Variants in EVI5 observed in about 807,000 individuals in gnomAD.
EVI5 encodes the protein ecotropic viral integration site 5 protein homolog.
A neutral mutation model predicts 112.0 loss-of-function variants in EVI5; 73 were observed. The ratio of observed to expected loss-of-function variants is 0.65; its 90% CI spans 0.54 to 0.79. EVI5 has a LOEUF of 0.79. EVI5 is among the 30% of genes least tolerant of loss of function. The pLI, the probability that EVI5 is intolerant of heterozygous loss-of-function variation, is 0.00. For missense variants in EVI5, 900 were observed against 968.8 expected (o/e 0.93, Z 0.94); for synonymous variants, 305 against 319.9 (o/e 0.95, Z 0.50).
At chr1:92,647,382 G>T (rs1046860362) in intron 13 of EVI5, 1 of 271,036 alleles carries the variant, frequency 3.7e-6, no homozygotes, top group Non-Finnish European at 7.5e-6. Context: ...AGACATGAAG[G>T]TCCTTCTTCT....
intron 10 of EVI5, among the ~76,000 whole-genome samples, chr1:92,671,080 C>T (rs1665804284): frequency 6.6e-6 from 1 of 152,074 alleles, no homozygotes; most frequent in Non-Finnish European, 1.5e-5. Flanking sequence ...TAATTACCCT[C>T]TCTAGCTACT....
chr1:92,547,885 C>A (rs1466976570), intron 19 of EVI5, among the ~76,000 whole-genome samples: 1 of 152,146 alleles, frequency 6.6e-6, no homozygotes, highest in Non-Finnish European at 1.5e-5. Flanking sequence ...AGTCCAGGAC[C>A]AGATGGATTC....
chr1:92,605,222 G>C, intron 18 of EVI5, 85 bp downstream of exon 18: 1 of 895,266 alleles, frequency 1.1e-6, no homozygotes, highest in Admixed American at 2.3e-5. Flanking sequence ...TCACAGTCAC[G>C]AGGATAAAGA....
intron 19 of EVI5, among the ~76,000 whole-genome samples, chr1:92,554,721 C>A (rs1667433922): frequency 6.6e-6 from 1 of 152,190 alleles, no homozygotes; most frequent in South Asian, 2.1e-4. Flanking sequence ...GTAATCCCAG[C>A]ACTTTCAGAG....
intron 18 of EVI5, among the ~76,000 whole-genome samples, chr1:92,588,520 T>C (rs558157625): frequency 3.2e-4 from 48 of 152,318 alleles, no homozygotes; most frequent in Middle Eastern, 6.8e-3. Flanking sequence ...ATTGTGAAAA[T>C]AGCAACAGTC....
At chr1:92,616,505 A>G (rs560419908) in intron 16 of EVI5, among the ~76,000 whole-genome samples, 1 of 146,314 alleles carries the variant, frequency 6.8e-6, no homozygotes, top group Non-Finnish European at 1.5e-5. Context: ...GGCATTGGCT[A>G]ATTAATCACG....
chr1:92,630,078 T>C (rs1013871122), intron 14 of EVI5, among the ~76,000 whole-genome samples: 10 of 152,216 alleles, frequency 6.6e-5, no homozygotes, highest in East Asian at 1.9e-4. Flanking sequence ...TGTTGGACAT[T>C]TGGATTGGTT....
At chr1:92,679,717 A>T (rs913823828) in intron 9 of EVI5, among the ~76,000 whole-genome samples, 1 of 152,164 alleles carries the variant, frequency 6.6e-6, no homozygotes, top group African/African-American at 2.4e-5. Flanking sequence ...GAGAACCTTG[A>T]CAGTTTTGAG....
chr1:92,511,468 C>T lies in EVI5; in HGVS notation c.*2188G>A, dbSNP rs901783720. The T allele has an allele frequency of 1.3e-5, 2 of 152,122 alleles. No individual in the cohort carries two copies. The highest frequency in any genetic ancestry group is 4.8e-5 in the African/African-American group (2 of 41,400). The allele number at this position is 152,122 out of a possible 1,614,324, so 9.4% of individuals were successfully genotyped here. A position where few individuals can be genotyped will look rare whatever the true frequency, so the allele number is the denominator to read the frequency against. ...TCAAAAAACAAAAATAAAAACAAAACAAAACAGAGAATTGAGAAATTCTTC... is the reference window on the plus strand; with the variant it reads ...TCAAAAAACAAAAATAAAAACAAAATAAAACAGAGAATTGAGAAATTCTTC... On this transcript the variant is annotated 3_prime_UTR_variant, in exon 20 of 20. Coordinates refer to ENST00000684568, the MANE Select transcript of EVI5 (RefSeq NM_001350197.2).
intron 2 of EVI5, among the ~76,000 whole-genome samples, chr1:92,725,575 T>C (rs1675438083): frequency 6.6e-6 from 1 of 151,710 alleles, no homozygotes; most frequent in Non-Finnish European, 1.5e-5. Flanking sequence ...ATACAAAAAT[T>C]AGCAGGGCAT....
intron 1 of EVI5, among the ~76,000 whole-genome samples, chr1:92,763,847 A>G (rs945348642): frequency 3.3e-5 from 5 of 152,146 alleles, no homozygotes; most frequent in African/African-American, 1.2e-4. Context: ...TTCATAAACT[A>G]TAAGCAACAG....
At chr1:92,701,568 T>C (rs139492850) in intron 5 of EVI5, among the ~76,000 whole-genome samples, 11 of 152,270 alleles carry the variant, frequency 7.2e-5, no homozygotes, top group African/African-American at 2.6e-4. Context: ...GATAATACTA[T>C]ATGCCATTTC....
At chr1:92,614,466 G>C (rs1157398320) in intron 16 of EVI5, among the ~76,000 whole-genome samples, 1 of 152,168 alleles carries the variant, frequency 6.6e-6, no homozygotes, top group African/African-American at 2.4e-5. Context: ...GTGTCTGTGA[G>C]GGTGTTGCCA....
intron 9 of EVI5, among the ~76,000 whole-genome samples, chr1:92,683,868 A>C (rs1285082865): frequency 6.6e-6 from 1 of 152,234 alleles, no homozygotes; most frequent in African/African-American, 2.4e-5. Context: ...AGTGAAAAGA[A>C]ATGAACAAAG....
chr1:92,520,955 C>T (rs955331891), intron 19 of EVI5, among the ~76,000 whole-genome samples: 12 of 101,162 alleles, frequency 1.2e-4, no homozygotes, highest in Non-Finnish European at 2.5e-4. Flanking sequence ...TATGAGATTG[C>T]TGCTTCTTCT....
At chr1:92,783,483 T>TAAAAAAAAAAAAA (rs774619273) in intron 1 of EVI5, among the ~76,000 whole-genome samples, 2 of 24,254 alleles carry the variant, frequency 8.2e-5, no homozygotes, top group African/African-American at 1.6e-4. Flanking sequence ...GACTCAGCCT[T>TAAAAAAAAAAAAA]AAAAAAAAAA....
At chr1:92,757,572 A>C (rs536488638) in intron 1 of EVI5, among the ~76,000 whole-genome samples, 3 of 152,090 alleles carry the variant, frequency 2.0e-5, no homozygotes, top group Admixed American at 6.6e-5. Flanking sequence ...ATGCACTAAA[A>C]TTAAGGCTGG....
chr1:92,552,019 T>C (rs1301073793), intron 19 of EVI5, among the ~76,000 whole-genome samples: 1 of 151,652 alleles, frequency 6.6e-6, no homozygotes, highest in Non-Finnish European at 1.5e-5. Context: ...TTTGGCTACA[T>C]TTGAAATCTA....
Position 92,695,419 on chromosome 1 carries a change from G to T in EVI5, c.800C>A (p.Ser267Tyr). ...HLPELFVHFQ[S>Y]QSFHTSMYAS... ...ATACATTGAGGTATGAAAACTCTGA[G>T]ATTGAAAATGTACAAAGAGCTCTGG... Residue 267 changes from serine (S) to tyrosine (Y), a missense_variant, in exon 7 of 20, where the codon TCT becomes TAT. Transcript: ENST00000684568. 6.2e-7 allele frequency: 1 copy of T among 1,607,704 alleles called. No homozygotes were observed. Among genetic ancestry groups the T allele is most frequent in the Non-Finnish European group, 8.5e-7 (1 of 1,174,848 alleles).
Sources: gnomAD v4.1 joint callset for allele counts (sites outside exome capture counted in the v4.1 genomes callset) on GRCh38, gnomAD v4.1.1 for gene constraint, MANE v1.5 for transcripts, NCBI Gene and HGNC (gene_info 2026-07-23, HGNC 2026-07-21) for gene names.